Variants in TPTE2 observed in about 807,000 individuals in gnomAD.
The protein encoded by TPTE2 is transmembrane phosphoinositide 3-phosphatase and tensin homolog 2, also known as phosphatidylinositol 3,4,5-trisphosphate 3-phosphatase TPTE2.
A neutral mutation model predicts 78.6 loss-of-function variants in TPTE2; 53 were observed. That is an observed-to-expected ratio of 0.67 (90% CI 0.54 to 0.85). The LOEUF (loss-of-function observed/expected upper bound fraction) is 0.85, where lower values mean the gene tolerates loss of function less well. Ranked by LOEUF, TPTE2 falls within the 40% of genes least tolerant of loss-of-function variation. The probability of loss-of-function intolerance (pLI) is 0.00; values close to 1 mark genes in which losing one functional copy is unlikely to be tolerated. For synonymous variants in TPTE2, 175 were observed against 206.2 expected (o/e 0.85, Z 1.30); for missense variants, 461 against 623.0 (o/e 0.74, Z 2.77).
At chr13:19,434,354 G>A (rs961346460) in intron 15 of TPTE2, among the ~76,000 whole-genome samples, 144 of 152,342 alleles carry the variant, frequency 9.5e-4, no homozygotes, top group Non-Finnish European at 1.5e-3. Context: ...CATAGGCTGG[G>A]AAAGAGCGCA....
At chr13:19,440,858 G>A (rs1886292073) in intron 13 of TPTE2, among the ~76,000 whole-genome samples, 1 of 151,708 alleles carries the variant, frequency 6.6e-6, no homozygotes, top group South Asian at 2.1e-4. Context: ...AGGCTGGGGT[G>A]GGTGGATCAC....
intron 19 of TPTE2, among the ~76,000 whole-genome samples, chr13:19,423,426 A>G (rs1264231023): frequency 6.6e-6 from 1 of 152,212 alleles, no homozygotes; most frequent in Non-Finnish European, 1.5e-5. Context: ...AAGTTTAATA[A>G]AATATCTAAA....
chr13:19,447,963 A>G, intron 13 of TPTE2, among the ~76,000 whole-genome samples: 1 of 152,140 alleles, frequency 6.6e-6, no homozygotes, highest in East Asian at 1.9e-4. Flanking sequence ...AACCTTAAAT[A>G]TTACTGGAAC....
intron 1 of TPTE2, among the ~76,000 whole-genome samples, chr13:19,530,501 C>A (rs745705600): frequency 3.3e-5 from 5 of 152,292 alleles, no homozygotes; most frequent in Non-Finnish European, 2.9e-5. Flanking sequence ...AACACTCCTT[C>A]AAATGGTTGA....
the TPTE2 span, among the ~76,000 whole-genome samples, chr13:19,555,138 A>G: frequency 6.6e-6 from 1 of 152,026 alleles, no homozygotes; most frequent in Non-Finnish European, 1.5e-5. Context: ...TCAGATTACC[A>G]CATTTAATCC....
At position 19,438,161 on chromosome 13, in the gene TPTE2, A is replaced by G; in HGVS notation, c.974-8T>C. The G allele has an allele frequency of 6.2e-7, 1 of 1,608,128 alleles. No individual in the cohort carries two copies. Among genetic ancestry groups the G allele is most frequent in the South Asian group, 1.1e-5 (1 of 90,200 alleles). Reference sequence around the variant, plus strand: ...CCATAGTCCCGGTTCTTCCTAGAAAAGAAAAGAAGTTAGTTCAAGAACATA... The same window carrying G: ...CCATAGTCCCGGTTCTTCCTAGAAAGGAAAAGAAGTTAGTTCAAGAACATA... On this transcript the variant is annotated splice_polypyrimidine_tract_variant and splice_region_variant and intron_variant, in intron 13 of 19. Coordinates refer to ENST00000400230, the Ensembl canonical transcript of TPTE2.
At chr13:19,543,738 T>C in the TPTE2 span, among the ~76,000 whole-genome samples, 1 of 151,350 alleles carries the variant, frequency 6.6e-6, no homozygotes, top group Non-Finnish European at 1.5e-5. Context: ...TGAAACAAGA[T>C]GGAATTGTGA....
chr13:19,473,500 A>G (rs1879750074), intron 6 of TPTE2, among the ~76,000 whole-genome samples: 1 of 151,926 alleles, frequency 6.6e-6, no homozygotes, highest in Non-Finnish European at 1.5e-5. Context: ...AACACAGGCC[A>G]TGGGGGGTAC....
At chr13:19,531,799 C>T (rs772643666) in intron 1 of TPTE2, among the ~76,000 whole-genome samples, 1 of 152,054 alleles carries the variant, frequency 6.6e-6, no homozygotes, top group Non-Finnish European at 1.5e-5. Flanking sequence ...TGGTGGCACA[C>T]ACCTGTAATC....
chr13:19,453,593 CTG>C (rs1878344712), intron 10 of TPTE2, among the ~76,000 whole-genome samples: 2 of 145,252 alleles, frequency 1.4e-5, no homozygotes, highest in Non-Finnish European at 3.0e-5. Context: ...TGATTTACTG[CTG>C]TGTTTTCTGA....
chr13:19,545,721 A>C, the TPTE2 span, among the ~76,000 whole-genome samples: 2 of 152,212 alleles, frequency 1.3e-5, no homozygotes, highest in Non-Finnish European at 2.9e-5. Flanking sequence ...TCATGCATCT[A>C]ACAAACAGCT....
chr13:19,475,536 T>G (rs1879885191), intron 5 of TPTE2, 37 bp downstream of exon 8: 4 of 1,599,798 alleles, frequency 2.5e-6, no homozygotes, highest in Non-Finnish European at 3.4e-6. Context: ...AAGTCTCAGA[T>G]ATATTTAATA....
At chr13:19,450,309 T>G (rs773336166) in exon 12 of TPTE2, 2 of 1,611,312 alleles carry the variant, frequency 1.2e-6, no homozygotes, top group Middle Eastern at 2.3e-4. Context: ...CTACTGACCC[T>G]ATTATGGAAG....
chr13:19,507,334 A>G (rs571247590), upstream of TPTE2, among the ~76,000 whole-genome samples: 105 of 149,912 alleles, frequency 7.0e-4, 1 homozygote, highest in African/African-American at 2.3e-3. Context: ...AACACATGCA[A>G]TTTAGCCATT....
chr13:19,470,144 G>C (rs1193557947), intron 6 of TPTE2, among the ~76,000 whole-genome samples: 1 of 152,064 alleles, frequency 6.6e-6, no homozygotes, highest in Non-Finnish European at 1.5e-5. Flanking sequence ...TCCCCATTCA[G>C]TACGGTACTG....
chr13:19,551,502 C>G, the TPTE2 span, among the ~76,000 whole-genome samples: 1 of 152,014 alleles, frequency 6.6e-6, no homozygotes, highest in Non-Finnish European at 1.5e-5. Flanking sequence ...TTGAGAATTG[C>G]TTGAACCCGG....
At chr13:19,458,950 T>C (rs1486791066) in intron 10 of TPTE2, among the ~76,000 whole-genome samples, 1 of 152,184 alleles carries the variant, frequency 6.6e-6, no homozygotes, top group East Asian at 1.9e-4. Flanking sequence ...ATGGGATTGC[T>C]GGGTCTGATG....
At chr13:19,461,986 A>T (rs1878939542) in intron 10 of TPTE2, among the ~76,000 whole-genome samples, 1 of 144,518 alleles carries the variant, frequency 6.9e-6, no homozygotes. Context: ...TTTAATTGGG[A>T]ATTTGATCTG....
chr13:19,460,218 G>C (rs867129829), intron 10 of TPTE2, among the ~76,000 whole-genome samples: 10 of 152,306 alleles, frequency 6.6e-5, no homozygotes, highest in Middle Eastern at 3.4e-3. Context: ...GGGATCTCTT[G>C]ATCCATGGCT....
Sources: gnomAD v4.1 joint callset for allele counts (sites outside exome capture counted in the v4.1 genomes callset) on GRCh38, gnomAD v4.1.1 for gene constraint, MANE v1.5 for transcripts, NCBI Gene and HGNC (gene_info 2026-07-23, HGNC 2026-07-21) for gene names.